APLF: variants seen among roughly 807,000 people sequenced by gnomAD.
APLF encodes aprataxin and PNK-like factor.
APLF carries 61 observed loss-of-function variants against 55.6 expected under a neutral mutation model. That is an observed-to-expected ratio of 1.10 (90% CI 0.89 to 1.36). The LOEUF (loss-of-function observed/expected upper bound fraction) is 1.36. APLF is among the 40% of genes most tolerant of loss of function. APLF has a pLI of 0.00. For missense variants in APLF, 611 were observed against 602.5 expected (o/e 1.01, Z -0.15); for synonymous variants, 207 against 214.8 (o/e 0.96, Z 0.32).
chr2:68,484,986 A>G (rs933976582), intron 1 of APLF, among the ~76,000 whole-genome samples: 1 of 150,746 alleles, frequency 6.6e-6, no homozygotes, highest in Non-Finnish European at 1.5e-5. Flanking sequence ...GTGTGTGCGC[A>G]CATTTTTTTC....
At chr2:68,563,256 G>T in intron 8 of APLF, 3 of 985,128 alleles carry the variant, frequency 3.0e-6, no homozygotes, top group Non-Finnish European at 3.6e-6. Flanking sequence ...ATGAAAACCT[G>T]TACATGTACC....
At chr2:68,500,815 T>C (rs1418258517) in intron 2 of APLF, among the ~76,000 whole-genome samples, 1 of 152,150 alleles carries the variant, frequency 6.6e-6, no homozygotes, top group East Asian at 1.9e-4. Context: ...AGGGCACGAT[T>C]CCCAAGTTCA....
intron 8 of APLF, among the ~76,000 whole-genome samples, chr2:68,552,190 G>C (rs1388966151): frequency 4.6e-5 from 7 of 152,042 alleles, no homozygotes; most frequent in Non-Finnish European, 1.0e-4. Flanking sequence ...GTGGGACTTT[G>C]TCTCTGAAAC....
chr2:68,553,498 A>AT (rs1173427123), intron 8 of APLF, among the ~76,000 whole-genome samples: 8 of 152,100 alleles, frequency 5.3e-5, no homozygotes, highest in Non-Finnish European at 5.9e-5. Context: ...TATTAGCTAT[A>AT]TACTGTTTAG....
At chr2:68,562,692 A>G (rs1180452599) in intron 8 of APLF, among the ~76,000 whole-genome samples, 2 of 152,074 alleles carry the variant, frequency 1.3e-5, no homozygotes, top group East Asian at 1.9e-4. Context: ...CAAAAAAGCT[A>G]TGAACAAGTT....
chr2:68,508,910 A>G (rs1264285827), intron 3 of APLF, among the ~76,000 whole-genome samples: 1 of 152,112 alleles, frequency 6.6e-6, no homozygotes, highest in Non-Finnish European at 1.5e-5. Flanking sequence ...CCTCAGAAAT[A>G]ACACCACACA....
chr2:68,534,833 C>T (rs988764210), intron 6 of APLF, among the ~76,000 whole-genome samples: 1 of 152,212 alleles, frequency 6.6e-6, no homozygotes, highest in Non-Finnish European at 1.5e-5. Flanking sequence ...CCTCACTCGT[C>T]AGTTCAGTGA....
chr2:68,517,047 CAT>C (rs1452439785), intron 5 of APLF, among the ~76,000 whole-genome samples: 6 of 119,322 alleles, frequency 5.0e-5, no homozygotes, highest in South Asian at 4.7e-4. Flanking sequence ...TATATAATAA[CAT>C]GTTATTAATA....
intron 1 of APLF, among the ~76,000 whole-genome samples, chr2:68,489,304 G>A (rs1001104908): frequency 3.3e-5 from 5 of 152,126 alleles, no homozygotes; most frequent in Non-Finnish European, 7.4e-5. Context: ...GTCCTTATGC[G>A]GATAATGCCA....
rs762973623 is a variant in APLF at position 68,577,973 on chromosome 2, A to T, written c.1487A>T (p.Asp496Val). The T allele has an allele frequency of 1.3e-5, 21 of 1,613,446 alleles. No individual in the cohort carries two copies. Among genetic ancestry groups the T allele is most frequent in the African/African-American group, 2.7e-5 (2 of 74,908 alleles). Residue 496 changes from aspartate (D) to valine (V), a missense_variant, in exon 10 of 10, where the codon GAT (aspartate) becomes GTT (valine). Transcript: ENST00000303795. ...EPGKEDEEKE[D>V]VEELLKEAKR... is the part of the protein sequence containing the mutation. Reference sequence around the variant, plus strand: ...GGAAAGGAAGATGAAGAGAAGGAAGATGTGGAAGAGCTTTTGAAAGAAGCA... The same window carrying T: ...GGAAAGGAAGATGAAGAGAAGGAAGTTGTGGAAGAGCTTTTGAAAGAAGCA...
chr2:68,555,354 G>A (rs1260664183), intron 8 of APLF, among the ~76,000 whole-genome samples: 1 of 152,108 alleles, frequency 6.6e-6, no homozygotes, highest in African/African-American at 2.4e-5. Flanking sequence ...AAAAGCAACA[G>A]TCAGCAGAGT....
intron 6 of APLF, among the ~76,000 whole-genome samples, chr2:68,536,778 A>AT (rs1268102129): frequency 9.9e-5 from 15 of 152,090 alleles, no homozygotes; most frequent in Non-Finnish European, 1.9e-4. Context: ...TTTATGCAAA[A>AT]TTTTCCGTGA....
At chr2:68,557,476 T>C (rs1401283155) in intron 8 of APLF, among the ~76,000 whole-genome samples, 1 of 152,132 alleles carries the variant, frequency 6.6e-6, no homozygotes, top group African/African-American at 2.4e-5. Context: ...TAACAAAAAA[T>C]AAGAATGTGT....
Position 68,578,662 on chromosome 2 carries a change from T to C in APLF, c.*640T>C. ...GTTATTTTGTGTTCCACATCTGCAA[T>C]TTACTGTATGTTTGAATTTAAAAGT... On this transcript the variant is annotated 3_prime_UTR_variant, in exon 10 of 10. Coordinates refer to ENST00000303795, the MANE Select transcript of APLF (RefSeq NM_173545.3). 2 of 985,360 alleles carry C rather than the reference T, an allele frequency of 2.0e-6. No individual in the cohort carries two copies. The highest frequency in any genetic ancestry group is 2.4e-6 in the Non-Finnish European group (2 of 829,882). 61.0% of individuals were successfully genotyped at this position (985,360 alleles called of 1,614,324 possible). A position where few individuals can be genotyped will look rare whatever the true frequency, so the allele number is the denominator to read the frequency against.
intron 2 of APLF, among the ~76,000 whole-genome samples, chr2:68,496,250 T>A (rs1005909633): frequency 1.3e-5 from 2 of 152,032 alleles, no homozygotes; most frequent in African/African-American, 4.8e-5. Context: ...TACAGGCGCG[T>A]GTCACCACGC....
rs758685302 is a variant in APLF at position 68,577,866 on chromosome 2, T to C, written c.1380T>C (p.Asn460=). The C allele has an allele frequency of 3.7e-6, 6 of 1,613,334 alleles. No homozygotes were observed. In the East Asian group the frequency reaches 1.3e-4, roughly 36 times the overall value. ...DEDNDNVGQP[N]EYDLNDSFLD... ...ATAATGATAATGTTGGGCAACCCAA[T>C]GAGTATGACCTGAACGACAGCTTTC... Residue 460 remains asparagine, a synonymous_variant, in exon 10 of 10, where the codon AAT becomes AAC. Coordinates refer to ENST00000303795, the MANE Select transcript of APLF (RefSeq NM_173545.3).
rs72903944 is a variant in APLF at position 68,575,135 on chromosome 2, T to C, written c.1334-2685T>C. The stretch of plus-strand genomic sequence containing the variant: ...GGACAGAATAGCAAGGGTGTGTACA[T>C]GGTATGGGGAATGCCATGTCAGGAT... On this transcript the variant is annotated intron_variant, in intron 9 of 9. Transcript: ENST00000303795. Among the ~76,000 whole-genome samples, 979 of 151,264 alleles carry C rather than the reference T, an allele frequency of 6.5e-3. 7 individuals carry two copies. Among genetic ancestry groups the C allele is most frequent in the African/African-American group, 0.023 (938 of 40,876 alleles).
At chr2:68,570,241 A>T (rs1473980201) in intron 9 of APLF, among the ~76,000 whole-genome samples, 2 of 151,434 alleles carry the variant, frequency 1.3e-5, no homozygotes, top group East Asian at 3.9e-4. Context: ...TATTGAATGC[A>T]AAAGTAACCA....
At chr2:68,468,020 A>G (rs1350745797) in intron 1 of APLF, among the ~76,000 whole-genome samples, 193 bp downstream of exon 1, 1 of 152,228 alleles carries the variant, frequency 6.6e-6, no homozygotes, top group Non-Finnish European at 1.5e-5. Context: ...TGCTTTTAAA[A>G]CACTGACTGT....
Sources: gnomAD v4.1 joint callset for allele counts (sites outside exome capture counted in the v4.1 genomes callset) on GRCh38, gnomAD v4.1.1 for gene constraint, MANE v1.5 for transcripts, NCBI Gene and HGNC (gene_info 2026-07-23, HGNC 2026-07-21) for gene names.